The following EYS variants were observed in gnomAD, a reference collection of about 807,000 sequenced individuals.
EYS encodes the protein EGF-like photoreceptor maintenance factor, also known as protein eyes shut homolog.
EYS carries 250 observed loss-of-function variants against 282.1 expected under a neutral mutation model. That is an observed-to-expected ratio of 0.89 (90% confidence interval 0.80 to 0.98). The LOEUF is 0.98. Ranked by LOEUF, EYS falls within the 50% of genes least tolerant of loss-of-function variation. The probability of loss-of-function intolerance (pLI) is 0.00; values close to 1 mark genes in which losing one functional copy is unlikely to be tolerated. For missense variants in EYS, 4,016 were observed against 3,709.0 expected (o/e 1.08, Z -2.15); for synonymous variants, 1,355 against 1,282.9 (o/e 1.06, Z -1.20).
chr6:64,255,913 C>G (rs960920217), intron 30 of EYS, among the ~76,000 whole-genome samples: 1 of 151,850 alleles, frequency 6.6e-6, no homozygotes, highest in African/African-American at 2.4e-5. Context: ...AGTATCTAGA[C>G]TATGATCACA....
chr6:64,662,123 T>G (rs1318061756), intron 22 of EYS, among the ~76,000 whole-genome samples: 1 of 150,496 alleles, frequency 6.6e-6, no homozygotes, highest in Non-Finnish European at 1.5e-5. Flanking sequence ...CTCAGCAAAC[T>G]ATCACAAGGA....
intron 5 of EYS, among the ~76,000 whole-genome samples, chr6:65,418,662 A>T (rs978689935): frequency 1.3e-5 from 2 of 151,998 alleles, no homozygotes; most frequent in Non-Finnish European, 2.9e-5. Flanking sequence ...TTCACTTATA[A>T]GTGGGAGTTG....
At chr6:64,251,058 C>G (rs748316335) in intron 30 of EYS, among the ~76,000 whole-genome samples, 18 of 152,256 alleles carry the variant, frequency 1.2e-4, no homozygotes, top group Admixed American at 2.0e-4. Context: ...CAATATTATA[C>G]TACTGAAGCA....
chr6:64,144,655 C>T (rs1774450750), intron 31 of EYS, among the ~76,000 whole-genome samples: 1 of 152,174 alleles, frequency 6.6e-6, no homozygotes, highest in African/African-American at 2.4e-5. Context: ...CTGCTGCTTA[C>T]TGAAACTCCA....
chr6:64,875,240 T>C (rs1766709852), intron 19 of EYS, among the ~76,000 whole-genome samples: 1 of 152,094 alleles, frequency 6.6e-6, no homozygotes, highest in Non-Finnish European at 1.5e-5. Flanking sequence ...TGTGTGTGTG[T>C]GCTGAGGAAG....
At chr6:64,409,100 T>C (rs1249699525) in intron 28 of EYS, among the ~76,000 whole-genome samples, 1 of 152,174 alleles carries the variant, frequency 6.6e-6, no homozygotes, top group African/African-American at 2.4e-5. Context: ...TCCAGCTGCA[T>C]CTATGTTACT....
intron 29 of EYS, among the ~76,000 whole-genome samples, chr6:64,324,570 G>A (rs143269969): frequency 6.6e-6 from 1 of 152,198 alleles, no homozygotes; most frequent in Non-Finnish European, 1.5e-5. Flanking sequence ...AAAAAGACAA[G>A]GATGCCCCTC....
chr6:64,727,246 G>C (rs1459235767), intron 22 of EYS, among the ~76,000 whole-genome samples: 2 of 152,092 alleles, frequency 1.3e-5, no homozygotes, highest in African/African-American at 2.4e-5. Flanking sequence ...TTATCTTGGA[G>C]GTGGGACGAT....
intron 26 of EYS, among the ~76,000 whole-genome samples, chr6:64,585,786 A>G (rs926508727): frequency 4.6e-5 from 7 of 151,850 alleles, no homozygotes; most frequent in Non-Finnish European, 8.8e-5. Context: ...TCTATTCAAC[A>G]CTTTCTTGGT....
chr6:65,145,393 G>A (rs1764452544), intron 12 of EYS, among the ~76,000 whole-genome samples: 1 of 151,802 alleles, frequency 6.6e-6, no homozygotes, highest in African/African-American at 2.4e-5. Context: ...AAACTTTACA[G>A]ATAGTTAAGT....
chr6:65,319,216 A>AAC (rs1255971843), intron 11 of EYS, among the ~76,000 whole-genome samples: 1 of 147,170 alleles, frequency 6.8e-6, no homozygotes, highest in African/African-American at 2.5e-5. Flanking sequence ...AAAAAAAAAA[A>AAC]AAAAAAAAAA....
intron 30 of EYS, among the ~76,000 whole-genome samples, chr6:64,295,974 C>T (rs1276507998): frequency 6.6e-6 from 1 of 152,004 alleles, no homozygotes; most frequent in Non-Finnish European, 1.5e-5. Flanking sequence ...CTGAATAACT[C>T]AAGAGACCAA....
chr6:65,043,438 T>G (rs1336578369), intron 13 of EYS, among the ~76,000 whole-genome samples: 1 of 151,432 alleles, frequency 6.6e-6, no homozygotes, highest in Non-Finnish European at 1.5e-5. Flanking sequence ...AATGGTAATC[T>G]AAAGTACTTT....
intron 2 of EYS, among the ~76,000 whole-genome samples, chr6:65,575,045 G>A (rs984626084): frequency 6.6e-6 from 1 of 152,114 alleles, no homozygotes; most frequent in African/African-American, 2.4e-5. Context: ...ATTATGGCTG[G>A]ACGTGGTGGC....
At chr6:64,478,196 A>G (rs1349915725) in intron 26 of EYS, among the ~76,000 whole-genome samples, 1 of 152,018 alleles carries the variant, frequency 6.6e-6, no homozygotes, top group African/African-American at 2.4e-5. Context: ...CTGATTAGCT[A>G]TATTCTTATT....
chr6:63,959,798 T>C (rs956162040), intron 35 of EYS, among the ~76,000 whole-genome samples: 1 of 152,092 alleles, frequency 6.6e-6, no homozygotes, highest in Non-Finnish European at 1.5e-5. Context: ...CACTCATAAC[T>C]GGGAGTTGAA....
At chr6:64,913,948 G>A (rs1768082652) in intron 15 of EYS, among the ~76,000 whole-genome samples, 1 of 152,114 alleles carries the variant, frequency 6.6e-6, no homozygotes, top group African/African-American at 2.4e-5. Context: ...TGTATCACAG[G>A]CTTCTAGCTC....
intron 34 of EYS, among the ~76,000 whole-genome samples, chr6:63,989,080 G>T (rs532176706): frequency 6.6e-6 from 1 of 151,400 alleles, no homozygotes; most frequent in African/African-American, 2.4e-5. Context: ...TCAATTCTGC[G>T]TCTGAAGTTA....
intron 8 of EYS, among the ~76,000 whole-genome samples, chr6:65,355,368 T>A (rs72886733): frequency 0.13 from 19,912 of 150,448 alleles, 1,732 homozygotes; most frequent in Non-Finnish European, 0.2. Context: ...GAAATAAAAA[T>A]TTAAAAATAA....
Sources: allele counts gnomAD v4.1 joint callset (sites outside exome capture counted in the v4.1 genomes callset), GRCh38; gene constraint gnomAD v4.1.1; transcripts MANE v1.5; gene names NCBI Gene and HGNC (gene_info 2026-07-23, HGNC 2026-07-21).